MAF: variants seen among roughly 807,000 people sequenced by gnomAD.
The protein encoded by MAF is MAF bZIP transcription factor.
In MAF, 10 loss-of-function variants were observed where a neutral mutation model predicts 22.0. The ratio of observed to expected loss-of-function variants is 0.45; its 90% CI spans 0.28 to 0.77. The LOEUF is 0.77. MAF is among the 30% of genes least tolerant of loss of function. The pLI is 0.12. For synonymous variants in MAF, 337 were observed against 255.8 expected (o/e 1.32, Z -3.03); for missense variants, 544 against 548.4 (o/e 0.99, Z 0.08).
chr16:79,416,365 G>C, the MAF span, among the ~76,000 whole-genome samples: 1 of 152,164 alleles, frequency 6.6e-6, no homozygotes, highest in Non-Finnish European at 1.5e-5. Context: ...TGGGAACACA[G>C]TGATATGTTC....
the MAF span, among the ~76,000 whole-genome samples, chr16:79,509,427 T>C: frequency 6.6e-6 from 1 of 152,220 alleles, no homozygotes; most frequent in Non-Finnish European, 1.5e-5. Context: ...TGCCGTCAGC[T>C]TTTGCCAGAA....
the MAF span, among the ~76,000 whole-genome samples, chr16:79,552,437 G>T: frequency 2.6e-5 from 4 of 152,178 alleles, no homozygotes; most frequent in East Asian, 7.7e-4. Context: ...TTGAACTCCT[G>T]GTCTCAAGCA....
At chr16:79,569,136 CAG>C in the MAF span, among the ~76,000 whole-genome samples, 1 of 152,232 alleles carries the variant, frequency 6.6e-6, no homozygotes, top group Non-Finnish European at 1.5e-5. Context: ...CAAACAGCCT[CAG>C]AGAGTTTAAA....
At chr16:79,389,793 G>A in the MAF span, among the ~76,000 whole-genome samples, 1 of 151,288 alleles carries the variant, frequency 6.6e-6, no homozygotes, top group African/African-American at 2.4e-5. Context: ...TGGCTAACAT[G>A]GTGAAACGCC....
the MAF span, among the ~76,000 whole-genome samples, chr16:79,476,080 TC>T: frequency 2.0e-4 from 30 of 152,298 alleles, 1 homozygote; most frequent in South Asian, 6.2e-3. Context: ...AATTTAAGCT[TC>T]CCCGAACTCT....
At chr16:79,478,850 C>T in the MAF span, among the ~76,000 whole-genome samples, 2 of 151,942 alleles carry the variant, frequency 1.3e-5, no homozygotes, top group African/African-American at 2.4e-5. Flanking sequence ...GACACCTTTG[C>T]ACCACACCAG....
At chr16:79,566,833 T>C in the MAF span, among the ~76,000 whole-genome samples, 1 of 152,284 alleles carries the variant, frequency 6.6e-6, no homozygotes, top group Admixed American at 6.5e-5. Context: ...AACCCTGTGG[T>C]TTGATTTCCA....
At chr16:79,429,887 T>C in the MAF span, among the ~76,000 whole-genome samples, 7 of 152,250 alleles carry the variant, frequency 4.6e-5, 1 homozygote, top group African/African-American at 1.7e-4. Context: ...CCATAATTTG[T>C]AGGTCTTGCT....
the MAF span, among the ~76,000 whole-genome samples, chr16:79,276,723 A>T: frequency 1.3e-5 from 2 of 152,202 alleles, no homozygotes; most frequent in Non-Finnish European, 2.9e-5. Flanking sequence ...ATTGATGATG[A>T]AAAGGATAAA....
chr16:79,356,413 C>G, the MAF span, among the ~76,000 whole-genome samples: 4 of 152,152 alleles, frequency 2.6e-5, no homozygotes, highest in South Asian at 8.3e-4. Context: ...TTTTCTGGGT[C>G]TAAATCTCTT....
the MAF span, among the ~76,000 whole-genome samples, chr16:79,502,774 G>C: frequency 7.5e-6 from 1 of 133,040 alleles, no homozygotes; most frequent in African/African-American, 3.0e-5. Context: ...TTAGCTCAAT[G>C]AGGGTTTGCC....
Position 79,594,302 on chromosome 16 carries a change from G to A in MAF, c.*158C>T, listed in dbSNP as rs916038778. 2 of 716,458 alleles carry A rather than the reference G, an allele frequency of 2.8e-6. No homozygotes were observed. The highest frequency in any genetic ancestry group is 1.8e-5 in the African/African-American group (1 of 56,642). The allele number at this position is 716,458 out of a possible 1,614,324, so 44.4% of individuals were successfully genotyped here. ...GTCTCTATGAAACCCCCAGACAAGA[G>A]GCATAGTTAACTACTACATTTAATA... is the stretch of plus-strand genomic sequence containing the variant. On this transcript the variant is annotated 3_prime_UTR_variant, in exon 2 of 2. Coordinates refer to ENST00000326043, the MANE Select transcript of MAF (RefSeq NM_005360.5).
At chr16:79,254,336 T>C in the MAF span, among the ~76,000 whole-genome samples, 1 of 152,146 alleles carries the variant, frequency 6.6e-6, no homozygotes, top group Non-Finnish European at 1.5e-5. Context: ...ATATTTTTCT[T>C]TGTTATTACT....
chr16:79,492,038 A>G, the MAF span, among the ~76,000 whole-genome samples: 1 of 152,116 alleles, frequency 6.6e-6, no homozygotes, highest in Admixed American at 6.5e-5. Context: ...AGCTCAAAAT[A>G]TTTTCCCCCA....
the MAF span, among the ~76,000 whole-genome samples, chr16:79,214,571 A>G: frequency 6.6e-6 from 1 of 151,798 alleles, no homozygotes; most frequent in South Asian, 2.1e-4. Context: ...ACACCTGGCT[A>G]ATTTTTCATA....
chr16:79,462,579 GCACA>G, the MAF span, among the ~76,000 whole-genome samples: 4,934 of 152,176 alleles, frequency 0.032, 96 homozygotes, highest in South Asian at 0.053. Flanking sequence ...GCACAAACAT[GCACA>G]CACACACAAA....
At chr16:79,582,508 G>C (rs184974842), downstream of MAF, among the ~76,000 whole-genome samples, 27 of 152,318 alleles carry the variant, frequency 1.8e-4, no homozygotes, top group Non-Finnish European at 3.1e-4. Context: ...AATTAGGCTA[G>C]TTACGCTGCA....
the MAF span, among the ~76,000 whole-genome samples, chr16:79,561,496 G>A: frequency 6.9e-6 from 1 of 145,474 alleles, no homozygotes; most frequent in East Asian, 2.0e-4. Context: ...TCCCCGGTGT[G>A]TGATGTTCCC....
chr16:79,264,041 C>T, the MAF span, among the ~76,000 whole-genome samples: 1 of 152,160 alleles, frequency 6.6e-6, no homozygotes. Flanking sequence ...GACACATCCG[C>T]TGTGTCTGTA....
Sources: allele counts gnomAD v4.1 joint callset (sites outside exome capture counted in the v4.1 genomes callset), GRCh38; gene constraint gnomAD v4.1.1; transcripts MANE v1.5; gene names NCBI Gene and HGNC (gene_info 2026-07-23, HGNC 2026-07-21).